DLD: variants seen among roughly 807,000 people sequenced by gnomAD.
The protein encoded by DLD is dihydrolipoamide dehydrogenase, also known as dihydrolipoyl dehydrogenase, mitochondrial.
A neutral mutation model predicts 62.2 loss-of-function variants in DLD; 36 were observed. The ratio of observed to expected loss-of-function variants is 0.58; its 90% CI spans 0.44 to 0.76. DLD has a LOEUF of 0.76. Among genes scored for constraint, DLD ranks in the 30% least tolerant of loss-of-function variants. The pLI is 0.00. For synonymous variants in DLD, 204 were observed against 199.6 expected, an observed-to-expected ratio of 1.02 and a Z score of -0.19; for missense variants, 541 against 608.6, an observed-to-expected ratio of 0.89 and a Z score of 1.17.
intron 3 of DLD, 134 bp downstream of exon 3, chr7:107,901,951 T>A (rs1584462139): frequency 1.4e-6 from 1 of 740,044 alleles, no homozygotes; most frequent in South Asian, 1.5e-5. Context: ...AGCCTGAGAC[T>A]AATAAAGATT....
intron 8 of DLD, among the ~76,000 whole-genome samples, chr7:107,911,876 T>G (rs1414606876): frequency 1.3e-5 from 2 of 152,102 alleles, no homozygotes; most frequent in Non-Finnish European, 2.9e-5. Flanking sequence ...AAATGTGTAA[T>G]TGATTGTTAC....
intron 4 of DLD, among the ~76,000 whole-genome samples, chr7:107,902,671 CTT>C (rs2031906868): frequency 6.6e-6 from 1 of 152,208 alleles, no homozygotes; most frequent in African/African-American, 2.4e-5. Context: ...AGTTTTTTCT[CTT>C]TATCTTTCCT....
At chr7:107,891,393 G>C (rs911724224) in intron 1 of DLD, 104 bp downstream of exon 1, 4 of 1,311,732 alleles carry the variant, frequency 3.0e-6, no homozygotes, top group Admixed American at 3.8e-5. Flanking sequence ...GGAGGCGGGC[G>C]CCTGGGCCGC....
chr7:107,919,368 A>T lies in DLD; in HGVS notation c.*109A>T, dbSNP rs1477637450. ...CTCCAAGAATTTCTAGGACTGAATTATGAAACTTTTGGAAGGTATTTAATA... is the reference window on the plus strand; with the variant it reads ...CTCCAAGAATTTCTAGGACTGAATTTTGAAACTTTTGGAAGGTATTTAATA... On this transcript the variant is annotated 3_prime_UTR_variant, in exon 14 of 14. Coordinates refer to ENST00000205402, the MANE Select transcript of DLD (RefSeq NM_000108.5). 2.4e-5 allele frequency: 22 copies of T among 908,982 alleles called. No homozygotes were observed. The highest frequency in any genetic ancestry group is 3.8e-5 in the Non-Finnish European group (22 of 582,406). 56.3% of individuals were successfully genotyped at this position (908,982 alleles called of 1,614,324 possible).
At chr7:107,917,527 G>A (rs1034160000) in intron 11 of DLD, 65 bp downstream of exon 11, 42 of 1,439,508 alleles carry the variant, frequency 2.9e-5, no homozygotes, top group Admixed American at 1.7e-5. Flanking sequence ...TGGTGGTTGA[G>A]AAACAGCATT....
intron 2 of DLD, among the ~76,000 whole-genome samples, chr7:107,896,215 A>G (rs1265693769): frequency 1.3e-5 from 2 of 152,188 alleles, no homozygotes; most frequent in Admixed American, 1.3e-4. Context: ...ATAACATCTG[A>G]GTTGGGTTTT....
intron 2 of DLD, among the ~76,000 whole-genome samples, chr7:107,895,748 A>C (rs1345387340): frequency 1.3e-5 from 2 of 152,188 alleles, no homozygotes; most frequent in Non-Finnish European, 2.9e-5. Context: ...TGGTCACATA[A>C]TTCTTTCCTA....
intron 5 of DLD, 106 bp from the exon 6 acceptor site, chr7:107,904,851 GC>G (rs2031964330): frequency 1.3e-6 from 1 of 766,502 alleles, no homozygotes; most frequent in Non-Finnish European, 2.3e-6. Context: ...CTTTAATACT[GC>G]CTTTTATAAG....
chr7:107,898,266 T>C (rs1205482454), intron 2 of DLD, among the ~76,000 whole-genome samples: 1 of 138,160 alleles, frequency 7.2e-6, no homozygotes, highest in Non-Finnish European at 1.5e-5. Context: ...TACTTTTCTG[T>C]ATCCTTTTTT....
At chr7:107,912,717 G>A (rs759002616) in intron 8 of DLD, among the ~76,000 whole-genome samples, 1 of 151,796 alleles carries the variant, frequency 6.6e-6, no homozygotes, top group Non-Finnish European at 1.5e-5. Flanking sequence ...ATCCTTTGTC[G>A]GATAGTTTGC....
chr7:107,905,013 A>G lies in DLD; in HGVS notation c.393A>G (p.Val131=), dbSNP rs773013949. Residue 131 remains valine, a synonymous_variant, in exon 6 of 14, where the codon GTA becomes GTG. Transcript: ENST00000205402. ...TGATGGAGCAGAAGAGTACTGCAGT[A>G]AAAGCTTTAACAGGTGGAATTGCCC... The part of the protein sequence containing the change: ...DKMMEQKSTA[V]KALTGGIAHL... The G allele has an allele frequency of 2.5e-6, 4 of 1,613,054 alleles. No homozygotes were observed. The African/African-American group carries it at 4.0e-5, about 16-fold the overall frequency.
chr7:107,914,889 C>G (rs1211864269), intron 8 of DLD, among the ~76,000 whole-genome samples: 1 of 152,072 alleles, frequency 6.6e-6, no homozygotes, highest in Non-Finnish European at 1.5e-5. Context: ...AACATTTGTC[C>G]TTTGTTGAGA....
At chr7:107,900,992 A>T (rs1206099227) in intron 2 of DLD, among the ~76,000 whole-genome samples, 3 of 152,166 alleles carry the variant, frequency 2.0e-5, no homozygotes, top group African/African-American at 4.8e-5. Context: ...ACTCCTAAGG[A>T]TACTGATCAA....
Position 107,919,378 on chromosome 7 carries a change from T to G in DLD, c.*119T>G. 1.2e-6 allele frequency: 1 copy of G among 817,096 alleles called. No homozygotes were observed. Among genetic ancestry groups the G allele is most frequent in the Non-Finnish European group, 2.0e-6 (1 of 505,390 alleles). The allele number at this position is 817,096 out of a possible 1,614,324, so 50.6% of individuals were successfully genotyped here. ...TTCTAGGACTGAATTATGAAACTTT[T>G]GGAAGGTATTTAATAGGTTTGGACA... On this transcript the variant is annotated 3_prime_UTR_variant, in exon 14 of 14. Transcript: ENST00000205402.
intron 4 of DLD, 146 bp downstream of exon 4, chr7:107,902,539 A>T: frequency 5.2e-6 from 4 of 770,114 alleles, no homozygotes; most frequent in Non-Finnish European, 9.1e-6. Flanking sequence ...AAAGAATGAT[A>T]AAAAACACAC....
intron 8 of DLD, among the ~76,000 whole-genome samples, chr7:107,909,540 T>G (rs1211113579): frequency 6.6e-6 from 1 of 152,238 alleles, no homozygotes; most frequent in Non-Finnish European, 1.5e-5. Context: ...TAAAATTTTT[T>G]TTAACACCTT....
Position 107,919,244 on chromosome 7 carries a change from A to C in DLD, c.1515A>C (p.Lys505Asn). ...CAAATCTTGCTGCGTCATTTGGCAA[A>C]TCAATCAACTTTTGAATTAGAAGAT... ...REANLAASFG[K>N]SINF Residue 505 changes from lysine to asparagine, a missense_variant, in exon 14 of 14, where the codon AAA becomes AAC. Physicochemically the swap from Lys to Asn is moderately conservative, Grantham distance 94 (BLOSUM62 0). Transcript: ENST00000205402. 3 of 1,611,894 alleles carry C rather than the reference A, an allele frequency of 1.9e-6. No individual in the cohort carries two copies. The highest frequency in any genetic ancestry group is 2.5e-6 in the Non-Finnish European group (3 of 1,178,994).
chr7:107,899,448 A>G (rs1423327742), intron 2 of DLD, among the ~76,000 whole-genome samples: 2 of 151,790 alleles, frequency 1.3e-5, no homozygotes, highest in African/African-American at 4.8e-5. Context: ...TCTCTTGTTT[A>G]CTTCTCCTGA....
chr7:107,905,561 T>C (rs1439420927), intron 7 of DLD, 57 bp downstream of exon 7: 1 of 1,545,746 alleles, frequency 6.5e-7, no homozygotes, highest in Non-Finnish European at 8.9e-7. Context: ...ATACGTTTTA[T>C]AAGTTATTTA....
Sources: gnomAD v4.1 joint callset for allele counts (sites outside exome capture counted in the v4.1 genomes callset) on GRCh38, gnomAD v4.1.1 for gene constraint, MANE v1.5 for transcripts, NCBI Gene and HGNC (gene_info 2026-07-23, HGNC 2026-07-21) for gene names.